The following KIF16B variants were observed in gnomAD, a reference collection of about 807,000 sequenced individuals.
KIF16B encodes the protein kinesin-like protein KIF16B.
Under a neutral mutation model 156.3 loss-of-function variants are expected in KIF16B, and 98 were observed. The ratio of observed to expected loss-of-function variants is 0.63; its 90% CI spans 0.53 to 0.74. KIF16B has a LOEUF of 0.74. Ranked by LOEUF, KIF16B falls within the 30% of genes least tolerant of loss-of-function variation. KIF16B has a pLI of 0.00. For missense variants in KIF16B, 1,421 were observed against 1,606.5 expected, an observed-to-expected ratio of 0.88 and a Z score of 1.97; for synonymous variants, 564 against 583.7, an observed-to-expected ratio of 0.97 and a Z score of 0.49.
rs148533215 is a variant in KIF16B at position 16,511,460 on chromosome 20, A to G, written c.514T>C (p.Leu172=). 1.5e-4 allele frequency: 247 copies of G among 1,612,608 alleles called. No individual in the cohort carries two copies. Among genetic ancestry groups the G allele is most frequent in the Admixed American group, 4.3e-4 (26 of 59,946 alleles). Residue 172 remains leucine (L), a synonymous_variant, in exon 6 of 26, where the codon TTG becomes CTG. Coordinates refer to ENST00000354981, the MANE Select transcript of KIF16B (RefSeq NM_024704.5). ...TCTTTGGGATGCTCACGGACTCTCA[A>G]ATTGAAGGTTTTAGATGACTTCCGC... The part of the protein sequence containing the change: ...LRRKSSKTFN[L]RVREHPKEGP...
Position 16,297,523 on chromosome 20 carries a change from T to C in KIF16B, c.3795+14812A>G, listed in dbSNP as rs553936431. Among the ~76,000 whole-genome samples the C allele has an allele frequency of 3.4e-3, 513 of 151,896 alleles. 5 individuals are homozygous for C. The highest frequency in any genetic ancestry group is 4.2e-3 in the Non-Finnish European group (285 of 67,938). ...CTGGCTGGCTAACACGGTGAAACCC[T>C]ATCTCTACTAAAAATGCAAAAAATT... On this transcript the variant is annotated intron_variant, in intron 25 of 25. Coordinates refer to ENST00000354981, the MANE Select transcript of KIF16B (RefSeq NM_024704.5).
Sources: allele counts gnomAD v4.1 joint callset (sites outside exome capture counted in the v4.1 genomes callset), GRCh38; gene constraint gnomAD v4.1.1; transcripts MANE v1.5; gene names NCBI Gene and HGNC (gene_info 2026-07-23, HGNC 2026-07-21).